Variants in BPHL observed in about 807,000 individuals in gnomAD.
BPHL encodes the protein serine hydrolase BPHL.
A neutral mutation model predicts 31.2 loss-of-function variants in BPHL; 27 were observed. That is an observed-to-expected ratio of 0.87 (90% CI 0.64 to 1.19). The LOEUF is 1.19. BPHL is among the 50% of genes most tolerant of loss of function. The pLI is 0.00. For missense variants in BPHL, 356 were observed against 375.7 expected (o/e 0.95, Z 0.43); for synonymous variants, 150 against 146.8 (o/e 1.02, Z -0.16).
intron 4 of BPHL, among the ~76,000 whole-genome samples, chr6:3,134,748 G>A (rs974374820): frequency 6.6e-6 from 1 of 151,952 alleles, no homozygotes; most frequent in African/African-American, 2.4e-5. Context: ...GAATACAGGC[G>A]CCTGCCACCA....
At chr6:3,134,218 A>ACGACC (rs1554120440) in intron 4 of BPHL, among the ~76,000 whole-genome samples, 1 of 152,126 alleles carries the variant, frequency 6.6e-6, no homozygotes, top group Non-Finnish European at 1.5e-5. Context: ...TAACAACAAA[A>ACGACC]CGACCCCGCC....
chr6:3,118,701 T>C (rs1431578738), upstream of BPHL: 2 of 1,241,922 alleles, frequency 1.6e-6, no homozygotes, highest in Non-Finnish European at 2.0e-6. Flanking sequence ...CGCTTGGTCT[T>C]AGCGCATGCG....
chr6:3,150,602 G>T (rs897889816), intron 6 of BPHL, among the ~76,000 whole-genome samples: 1 of 152,122 alleles, frequency 6.6e-6, no homozygotes, highest in Admixed American at 6.5e-5. Flanking sequence ...CTAATTTTTC[G>T]GAGAATGTTA....
Position 3,152,726 on chromosome 6 carries a change from A to G in BPHL, c.*151A>G. 7.6e-6 allele frequency: 5 copies of G among 660,610 alleles called. No homozygotes were observed. The South Asian group carries it at 8.6e-5, about 11-fold the overall frequency. The allele number at this position is 660,610 out of a possible 1,614,324, so 40.9% of individuals were successfully genotyped here. On this transcript the variant is annotated 3_prime_UTR_variant, in exon 7 of 7. Coordinates refer to ENST00000380379, the MANE Select transcript of BPHL (RefSeq NM_004332.4). Reference sequence around the variant, plus strand: ...ACCAAATGAGAATAATGACATATTGAAAACAGCCTCTAGCTTCAGGCTGGG... The same window carrying G: ...ACCAAATGAGAATAATGACATATTGGAAACAGCCTCTAGCTTCAGGCTGGG...
chr6:3,123,729 T>C lies in BPHL; in HGVS notation c.180T>C (p.Asp60=). 6.2e-7 allele frequency: 1 copy of C among 1,613,630 alleles called. No individual in the cohort carries two copies. The highest frequency in any genetic ancestry group is 1.1e-5 in the South Asian group (1 of 90,918). ...ATTACCAGCAGACTGGAGAGGGAGA[T>C]CACGCAGTCCTGCTACTTCCTGGGA... is the stretch of plus-strand genomic sequence containing the variant. The part of the protein sequence containing the change: ...QLHYQQTGEG[D]HAVLLLPGML... The change falls in exon 2 of 7, where the codon GAT becomes GAC. Residue 60 remains aspartate (D), a synonymous_variant. Transcript: ENST00000380379.
chr6:3,129,247 C>A (rs1338751037), intron 4 of BPHL, 49 bp downstream of exon 4: 2 of 1,496,684 alleles, frequency 1.3e-6, no homozygotes, highest in African/African-American at 2.8e-5. Context: ...CTTCCCCTCT[C>A]TCCGCATCTC....
At chr6:3,132,074 G>A (rs539526510) in intron 4 of BPHL, among the ~76,000 whole-genome samples, 10 of 152,168 alleles carry the variant, frequency 6.6e-5, no homozygotes, top group South Asian at 2.1e-4. Flanking sequence ...TCTCAGTAGC[G>A]CAGCACTCTT....
chr6:3,131,739 G>A (rs1468011353), intron 4 of BPHL, among the ~76,000 whole-genome samples: 1 of 152,094 alleles, frequency 6.6e-6, no homozygotes, highest in African/African-American at 2.4e-5. Flanking sequence ...GGCCATTCCT[G>A]GAACAAGCTT....
chr6:3,119,640 C>T, intron 1 of BPHL: 1 of 1,275,546 alleles, frequency 7.8e-7, no homozygotes, highest in East Asian at 2.3e-5. Flanking sequence ...ACTTTATTCT[C>T]TACATACATC....
At chr6:3,146,000 G>C (rs187780967) in intron 6 of BPHL, among the ~76,000 whole-genome samples, 1 of 60,772 alleles carries the variant, frequency 1.6e-5, no homozygotes, top group Non-Finnish European at 3.7e-5. Flanking sequence ...GTGCTGGTTC[G>C]GGGTGGAGTG....
At chr6:3,134,893 C>T (rs1313784890) in intron 4 of BPHL, among the ~76,000 whole-genome samples, 2 of 152,010 alleles carry the variant, frequency 1.3e-5, no homozygotes, top group African/African-American at 4.8e-5. Context: ...TGAACCACCG[C>T]GCCTGGCCAA....
intron 5 of BPHL, chr6:3,138,104 T>G: frequency 2.6e-4 from 213 of 825,974 alleles, no homozygotes; most frequent in Middle Eastern, 4.1e-4. Flanking sequence ...CTGCAATCTC[T>G]GTCTCCTGGG....
At chr6:3,150,116 G>C (rs3799213) in intron 6 of BPHL, 1 of 152,080 alleles carries the variant, frequency 6.6e-6, no homozygotes, top group South Asian at 2.1e-4. Context: ...AAGATCCAGC[G>C]GCCTGCTTTG....
chr6:3,143,128 G>C (rs1357707504), intron 6 of BPHL, among the ~76,000 whole-genome samples: 2 of 152,146 alleles, frequency 1.3e-5, no homozygotes, highest in African/African-American at 4.8e-5. Context: ...CTGAGGCAGA[G>C]AATCACTTGA....
Position 3,149,406 on chromosome 6 carries a change from C to T in BPHL, c.789-3082C>T, listed in dbSNP as rs1041257418. The stretch of plus-strand genomic sequence containing the variant: ...GGTCCTCTAGCAGCCCACTTCAAGC[C>T]GCCACACTGCCCAGAAAGTAGCCTC... On this transcript the variant is annotated intron_variant, in intron 6 of 6. Coordinates refer to ENST00000380379, the MANE Select transcript of BPHL (RefSeq NM_004332.4). This position sits in a 1 kb window ranked among gnomAD's most constrained non-coding sequence, Gnocchi z 4.6. 7.2e-5 allele frequency among the ~76,000 whole-genome samples: 11 copies of T among 152,262 alleles called. No individual in the cohort carries two copies. The highest frequency in any genetic ancestry group is 1.2e-4 in the Non-Finnish European group (8 of 68,020).
At chr6:3,143,684 T>C (rs1762238611) in intron 6 of BPHL, among the ~76,000 whole-genome samples, 1 of 152,218 alleles carries the variant, frequency 6.6e-6, no homozygotes, top group Non-Finnish European at 1.5e-5. Flanking sequence ...TAGGACCTAC[T>C]CATATGACTT....
rs2231363 is a variant in BPHL, at chr6:3,124,024, G to C, written c.211+264G>C. The C allele has an allele frequency of 1.0e-3, 250 of 245,722 alleles. 6 individuals carry two copies. The East Asian group carries it at 0.026, about 25-fold the overall frequency. 15.2% of individuals were successfully genotyped at this position (245,722 alleles called of 1,614,324 possible). A position where few individuals can be genotyped will look rare whatever the true frequency, so the allele number is the denominator to read the frequency against. On this transcript the variant is annotated intron_variant, in intron 2 of 6. Transcript: ENST00000380379. ...TCACAGTTGCCCATAATTTGGGAGG[G>C]TGACAGGGGTCAAGGAAAGGGGTGT... is the stretch of plus-strand genomic sequence containing the variant.
rs374841648 is a variant in BPHL, at chr6:3,140,631, A to G, written c.788+122A>G. 12 of 1,441,588 alleles carry G rather than the reference A, an allele frequency of 8.3e-6. No individual in the cohort carries two copies. In the African/African-American group the frequency reaches 9.9e-5, roughly 12 times the overall value. The allele number at this position is 1,441,588 out of a possible 1,614,324, so 89.3% of individuals were successfully genotyped here. A position where few individuals can be genotyped will look rare whatever the true frequency, so the allele number is the denominator to read the frequency against. The stretch of plus-strand genomic sequence containing the variant: ...AGAGTGCACAGCCCCCCTTTTGCCA[A>G]TGCCAGTCAGTAGCACCGCTTTATT... On this transcript the variant is annotated intron_variant, in intron 6 of 6. Coordinates refer to ENST00000380379, the MANE Select transcript of BPHL (RefSeq NM_004332.4). This position sits in a 1 kb window ranked among gnomAD's most constrained non-coding sequence, Gnocchi z 5.2.
At chr6:3,135,950 C>T (rs1762007959) in intron 4 of BPHL, among the ~76,000 whole-genome samples, 1 of 152,172 alleles carries the variant, frequency 6.6e-6, no homozygotes, top group Non-Finnish European at 1.5e-5. Context: ...TCAGGTTGGG[C>T]CCCGGCCTGC....
Sources: gnomAD v4.1 joint callset for allele counts (sites outside exome capture counted in the v4.1 genomes callset) on GRCh38, gnomAD v4.1.1 for gene constraint, Gnocchi (gnomAD v3.1) non-coding constraint, MANE v1.5 for transcripts, NCBI Gene and HGNC (gene_info 2026-07-23, HGNC 2026-07-21) for gene names.